The following HSD17B11 variants were observed in gnomAD, a reference collection of about 807,000 sequenced individuals.
HSD17B11 encodes the protein hydroxysteroid 17-beta dehydrogenase 11, also known as estradiol 17-beta-dehydrogenase 11.
In HSD17B11, 22 loss-of-function variants were observed where a neutral mutation model predicts 27.8. That is an observed-to-expected ratio of 0.79 (90% confidence interval 0.56 to 1.13). The LOEUF (loss-of-function observed/expected upper bound fraction) is 1.13, where lower values mean the gene tolerates loss of function less well. Among genes scored for constraint, HSD17B11 ranks in the 50% most tolerant of loss-of-function variants. The probability of loss-of-function intolerance (pLI) is 0.00; values close to 1 mark genes in which losing one functional copy is unlikely to be tolerated. For missense variants in HSD17B11, 314 were observed against 351.1 expected (o/e 0.89, Z 0.84); for synonymous variants, 117 against 132.8 (o/e 0.88, Z 0.82).
intron 5 of HSD17B11, 73 bp from the exon 6 acceptor site, chr4:87,340,679 A>G: frequency 2.1e-6 from 2 of 937,220 alleles, no homozygotes; most frequent in South Asian, 1.4e-5. Flanking sequence ...GCTAACCAAC[A>G]GCTTTAGTAT....
At chr4:87,377,977 A>G (rs1438226514) in intron 2 of HSD17B11, among the ~76,000 whole-genome samples, 2 of 152,170 alleles carry the variant, frequency 1.3e-5, no homozygotes, top group African/African-American at 4.8e-5. Flanking sequence ...TGAGTTTCAT[A>G]CCCAAGGTCA....
intron 4 of HSD17B11, among the ~76,000 whole-genome samples, chr4:87,371,812 T>C (rs774060945): frequency 1.3e-4 from 20 of 152,180 alleles, no homozygotes; most frequent in Non-Finnish European, 2.5e-4. Context: ...AGGCCAGTGA[T>C]AGCTGAGGAT....
At chr4:87,366,716 T>C (rs1735619186) in intron 4 of HSD17B11, among the ~76,000 whole-genome samples, 1 of 152,208 alleles carries the variant, frequency 6.6e-6, no homozygotes, top group Admixed American at 6.5e-5. Context: ...AGACAGTTGT[T>C]GTCTTGTTTT....
intron 4 of HSD17B11, among the ~76,000 whole-genome samples, chr4:87,370,577 G>A (rs113704319): frequency 0.07 from 10,372 of 147,170 alleles, 1,209 homozygotes; most frequent in African/African-American, 0.24. Context: ...CACACACCCA[G>A]CTAATTTTTT....
At chr4:87,342,948 A>C (rs1169095607) in intron 5 of HSD17B11, among the ~76,000 whole-genome samples, 1 of 152,218 alleles carries the variant, frequency 6.6e-6, no homozygotes, top group Non-Finnish European at 1.5e-5. Flanking sequence ...AAACTGAAGG[A>C]TGCTATGCCT....
At chr4:87,373,873 T>C (rs1233054162) in intron 3 of HSD17B11, among the ~76,000 whole-genome samples, 1 of 151,970 alleles carries the variant, frequency 6.6e-6, no homozygotes, top group Non-Finnish European at 1.5e-5. Flanking sequence ...AAGAAAACTT[T>C]GAGGGGCCTT....
At chr4:87,378,135 C>A (rs1326844384) in intron 2 of HSD17B11, among the ~76,000 whole-genome samples, 10 of 152,188 alleles carry the variant, frequency 6.6e-5, no homozygotes, top group Non-Finnish European at 1.5e-5. Context: ...GAAGGCTCTT[C>A]AGTCAGAATT....
At position 87,374,841 on chromosome 4, in the gene HSD17B11, T is replaced by C; in HGVS notation, c.319-11A>G. 6.5e-7 allele frequency: 1 copy of C among 1,549,626 alleles called. No homozygotes were observed. Among genetic ancestry groups the C allele is most frequent in the Admixed American group, 2.1e-5 (1 of 48,260 alleles). On this transcript the variant is annotated splice_polypyrimidine_tract_variant and intron_variant, in intron 2 of 6. Coordinates refer to ENST00000358290, the MANE Select transcript of HSD17B11 (RefSeq NM_016245.5). ...AATTTCTGCCTTCACCTTCAAAAAATAAAATAAGAAAAGTAAATTCATTAA... is the reference window on the plus strand; with the variant it reads ...AATTTCTGCCTTCACCTTCAAAAAACAAAATAAGAAAAGTAAATTCATTAA...
In HSD17B11 at chr4:87,348,935, A is replaced by G. The variant is rs201193178; in HGVS notation, c.696-8329T>C. ...CTCTCTGTTTGTCTGTTGTTGGTGTATAAGAATGCTTGTGATTTTTGTACA... is the reference window on the plus strand; with the variant it reads ...CTCTCTGTTTGTCTGTTGTTGGTGTGTAAGAATGCTTGTGATTTTTGTACA... On this transcript the variant is annotated intron_variant, in intron 5 of 6. Coordinates refer to ENST00000358290, the MANE Select transcript of HSD17B11 (RefSeq NM_016245.5). Among the ~76,000 whole-genome samples the G allele has an allele frequency of 1.2e-4, 2 of 16,576 alleles. 1 individual carries two copies. The highest frequency in any genetic ancestry group is 2.1e-4 in the Non-Finnish European group (2 of 9,548). The allele number at this position is 16,576 out of a possible 152,430, so 10.9% of individuals were successfully genotyped here.
rs540105188 is a variant in HSD17B11 at position 87,372,683 on chromosome 4, A to G, written c.557+26T>C. 5 of 1,374,016 alleles carry G rather than the reference A, an allele frequency of 3.6e-6. No homozygotes were observed. The African/African-American group carries it at 7.2e-5, about 20-fold the overall frequency. 85.1% of individuals were successfully genotyped at this position (1,374,016 alleles called of 1,614,324 possible). On this transcript the variant is annotated intron_variant, in intron 4 of 6. Coordinates refer to ENST00000358290, the MANE Select transcript of HSD17B11 (RefSeq NM_016245.5). ...CACACACAAGGTAGGCATAAGAACC[A>G]ATGAAGGAAACACATGTTCACATAC...
At chr4:87,373,844 T>A (rs1329647098) in intron 3 of HSD17B11, among the ~76,000 whole-genome samples, 1 of 152,234 alleles carries the variant, frequency 6.6e-6, no homozygotes, top group Admixed American at 6.5e-5. Context: ...TTGAGATTAG[T>A]CATCCCAAAC....
chr4:87,355,732 C>T (rs113739848), intron 5 of HSD17B11, among the ~76,000 whole-genome samples: 7 of 152,114 alleles, frequency 4.6e-5, no homozygotes, highest in Admixed American at 2.0e-4. Flanking sequence ...GGCGAAACCC[C>T]ATCTCTATTA....
At chr4:87,362,585 CCT>C (rs1560763220) in intron 4 of HSD17B11, among the ~76,000 whole-genome samples, 1 of 151,958 alleles carries the variant, frequency 6.6e-6, no homozygotes, top group Non-Finnish European at 1.5e-5. Flanking sequence ...GTTAGAGGAC[CCT>C]CTCAGTAAAG....
chr4:87,356,962 GC>G (rs1030358161), intron 5 of HSD17B11, among the ~76,000 whole-genome samples: 7 of 152,218 alleles, frequency 4.6e-5, no homozygotes, highest in African/African-American at 1.7e-4. Flanking sequence ...TGAGGGTGAA[GC>G]CCCAACATAG....
intron 4 of HSD17B11, among the ~76,000 whole-genome samples, chr4:87,365,156 C>T (rs564092074): frequency 4.7e-4 from 71 of 151,928 alleles, no homozygotes; most frequent in Admixed American, 2.5e-3. Context: ...GTGACAAGAG[C>T]GAAACTTTGT....
At position 87,372,919 on chromosome 4, in the gene HSD17B11, T is replaced by A. The variant is rs979940471; in HGVS notation, c.451-104A>T. ...AGTATATTTTTTAACATTAATCCTG[T>A]CATAAATGAAAAAAACAAACTAACT... On this transcript the variant is annotated intron_variant, in intron 3 of 6. Coordinates refer to ENST00000358290, the MANE Select transcript of HSD17B11 (RefSeq NM_016245.5). 2.7e-5 allele frequency: 19 copies of A among 696,528 alleles called. No individual in the cohort carries two copies. The Admixed American group carries it at 4.6e-4, about 17-fold the overall frequency. 43.1% of individuals were successfully genotyped at this position (696,528 alleles called of 1,614,324 possible).
chr4:87,340,326 G>C, intron 6 of HSD17B11, 164 bp downstream of exon 6: 3 of 434,002 alleles, frequency 6.9e-6, no homozygotes, highest in Non-Finnish European at 8.2e-6. Context: ...ATTTACCCAA[G>C]AGCTGTATCA....
At chr4:87,365,561 T>C (rs191249972) in intron 4 of HSD17B11, among the ~76,000 whole-genome samples, 144 of 152,306 alleles carry the variant, frequency 9.5e-4, no homozygotes, top group African/African-American at 3.4e-3. Flanking sequence ...TCAGCCCTTA[T>C]CTGCACTTCT....
chr4:87,380,470 C>CAAAAAAAAA (rs759061081), intron 2 of HSD17B11, among the ~76,000 whole-genome samples: 1 of 39,072 alleles, frequency 2.6e-5, no homozygotes, highest in African/African-American at 1.1e-4. Context: ...AAGACTGTCT[C>CAAAAAAAAA]AAAAAAAAAA....
Sources: allele counts gnomAD v4.1 joint callset (sites outside exome capture counted in the v4.1 genomes callset), GRCh38; gene constraint gnomAD v4.1.1; transcripts MANE v1.5; gene names NCBI Gene and HGNC (gene_info 2026-07-23, HGNC 2026-07-21).